HOMER1: variants seen among roughly 807,000 people sequenced by gnomAD.
HOMER1 encodes homer scaffold protein 1.
HOMER1 carries 3 observed loss-of-function variants against 48.9 expected under a neutral mutation model. The ratio of observed to expected loss-of-function variants is 0.06; its 90% CI spans 0.03 to 0.16. The LOEUF (loss-of-function observed/expected upper bound fraction) is 0.16, where lower values mean the gene tolerates loss of function less well. Among genes scored for constraint, HOMER1 ranks in the 10% least tolerant of loss-of-function variants. The pLI, the probability that HOMER1 is intolerant of heterozygous loss-of-function variation, is 1.00. For missense variants in HOMER1, 247 were observed against 411.4 expected (o/e 0.60, Z 3.46); for synonymous variants, 134 against 146.4 (o/e 0.92, Z 0.61).
chr5:79,462,962 C>T lies in HOMER1; in HGVS notation c.6-5944G>A, dbSNP rs139212220. 5.5e-3 allele frequency among the ~76,000 whole-genome samples: 838 copies of T among 152,308 alleles called. 4 individuals are homozygous for T. Among genetic ancestry groups the T allele is most frequent in the Non-Finnish European group, 8.6e-3 (583 of 68,016 alleles). ...TCAGATATGTAAGTACAAATGGCTA[C>T]TGCAGCAAAGGAGATTATAAAGAAG... On this transcript the variant is annotated intron_variant, in intron 1 of 8. Transcript: ENST00000334082.
At chr5:79,430,843 AG>A (rs70975752) in intron 5 of HOMER1, among the ~76,000 whole-genome samples, 38,423 of 151,866 alleles carry the variant, frequency 0.25, 5,936 homozygotes, top group East Asian at 0.75. Context: ...AAGCTGAGGC[AG>A]GAGAATTGCT....
At chr5:79,471,420 C>A (rs1244478607) in intron 1 of HOMER1, among the ~76,000 whole-genome samples, 1 of 151,888 alleles carries the variant, frequency 6.6e-6, no homozygotes, top group East Asian at 1.9e-4. Flanking sequence ...GTGGCATGTA[C>A]CTATAATCCC....
chr5:79,379,227 A>AATATATATTATATATTATATATATCTATT (rs1289978311), intron 8 of HOMER1, among the ~76,000 whole-genome samples: 21 of 103,034 alleles, frequency 2.0e-4, no homozygotes, highest in South Asian at 1.1e-3. Context: ...ATATATCTAT[A>AATATATATTATATATTATATATATCTATT]ATATATATTA....
intron 5 of HOMER1, among the ~76,000 whole-genome samples, chr5:79,429,056 C>G (rs1750349025): frequency 6.6e-6 from 1 of 152,144 alleles, no homozygotes; most frequent in Admixed American, 6.5e-5. Context: ...AACTTAACTA[C>G]AAAGATACAT....
At position 79,411,889 on chromosome 5, in the gene HOMER1, C is replaced by T. The variant is rs1029614876; in HGVS notation, c.528-9834G>A. Among the ~76,000 whole-genome samples, 5 of 152,204 alleles carry T rather than the reference C, an allele frequency of 3.3e-5. No individual in the cohort carries two copies. In the East Asian group the frequency reaches 7.7e-4, roughly 24 times the overall value. On this transcript the variant is annotated intron_variant, in intron 5 of 8. Coordinates refer to ENST00000334082, the MANE Select transcript of HOMER1 (RefSeq NM_004272.5). ...ATCCCAGCACTTTGGGAGGCCAAGG[C>T]GGGTGGATCATTTGAGGCCAGGAGT...
rs559225863 is a variant in HOMER1, at chr5:79,375,425, A to C, written c.*584T>G. The C allele has an allele frequency of 6.6e-6, 1 of 152,254 alleles. No homozygotes were observed. The highest frequency in any genetic ancestry group is 1.9e-4 in the East Asian group (1 of 5,188). The allele number at this position is 152,254 out of a possible 1,614,324, so 9.4% of individuals were successfully genotyped here. Reference sequence around the variant, plus strand: ...AATATCTTCCAGCACAAAAAAGGGAAGAACTCTATACACCCAGTTATAGTA... The same window carrying C: ...AATATCTTCCAGCACAAAAAAGGGACGAACTCTATACACCCAGTTATAGTA... On this transcript the variant is annotated 3_prime_UTR_variant, in exon 9 of 9. Coordinates refer to ENST00000334082, the MANE Select transcript of HOMER1 (RefSeq NM_004272.5).
Position 79,432,880 on chromosome 5 carries a change from A to C in HOMER1, c.527+6130T>G, listed in dbSNP as rs115581299. ...GACATCTCTAAATTGTTAAGTTATG[A>C]TCTCTCACAAATATTCCTTGCCTTC... On this transcript the variant is annotated intron_variant, in intron 5 of 8. Coordinates refer to ENST00000334082, the MANE Select transcript of HOMER1 (RefSeq NM_004272.5). Among the ~76,000 whole-genome samples the C allele has an allele frequency of 9.3e-3, 1,419 of 152,318 alleles. 18 individuals carry two copies. Among genetic ancestry groups the C allele is most frequent in the African/African-American group, 0.031 (1,309 of 41,568 alleles).
chr5:79,512,511 G>A (rs1462134310), intron 1 of HOMER1, among the ~76,000 whole-genome samples: 3 of 152,096 alleles, frequency 2.0e-5, no homozygotes, highest in Non-Finnish European at 4.4e-5. Context: ...AGTGTAGAAT[G>A]CGTTGTCTTT....
intron 1 of HOMER1, among the ~76,000 whole-genome samples, chr5:79,472,655 C>T (rs553282266): frequency 6.6e-6 from 1 of 152,048 alleles, no homozygotes; most frequent in Non-Finnish European, 1.5e-5. Flanking sequence ...TGGTACATGC[C>T]TATGTCCCAG....
At chr5:79,376,306 G>T in intron 8 of HOMER1, 109 bp from the exon 9 acceptor site, 2 of 758,338 alleles carry the variant, frequency 2.6e-6, no homozygotes, top group South Asian at 2.3e-5. Context: ...TTGACTGTCA[G>T]GATGAGCTGC....
intron 4 of HOMER1, among the ~76,000 whole-genome samples, chr5:79,443,659 T>C (rs1296191036): frequency 6.6e-6 from 1 of 152,216 alleles, no homozygotes; most frequent in Non-Finnish European, 1.5e-5. Context: ...TGCTAAGTAC[T>C]TTCTAATCCT....
At chr5:79,437,319 A>G (rs1438359296) in intron 5 of HOMER1, among the ~76,000 whole-genome samples, 1 of 152,222 alleles carries the variant, frequency 6.6e-6, no homozygotes, top group Non-Finnish European at 1.5e-5. Flanking sequence ...AAGTCTGTTT[A>G]TTAAATGGAT....
At position 79,514,115 on chromosome 5, in the gene HOMER1, A is replaced by G. The variant is rs6865475; in HGVS notation, c.-1341T>C. On this transcript the variant is annotated 5_prime_UTR_variant, in exon 1 of 9. Transcript: ENST00000334082. ...TTCCCGGTCAGCGCCGCCGGCGTGAAGCTAGCGCGGCGGCAGAGTGGGCTG... is the reference window on the plus strand; with the variant it reads ...TTCCCGGTCAGCGCCGCCGGCGTGAGGCTAGCGCGGCGGCAGAGTGGGCTG... 38,815 of 151,842 alleles carry G rather than the reference A, an allele frequency of 0.26. 5,591 individuals are homozygous for G. Among genetic ancestry groups the G allele is most frequent in the African/African-American group, 0.39 (16,145 of 41,424 alleles). The allele number at this position is 151,842 out of a possible 1,614,324, so 9.4% of individuals were successfully genotyped here.
intron 2 of HOMER1, among the ~76,000 whole-genome samples, chr5:79,454,434 T>C (rs899898269): frequency 3.3e-5 from 5 of 152,102 alleles, no homozygotes; most frequent in South Asian, 2.1e-4. Flanking sequence ...TTACAGAGAA[T>C]TCAAGGTTCA....
intron 1 of HOMER1, among the ~76,000 whole-genome samples, chr5:79,463,732 A>G (rs889338513): frequency 1.3e-5 from 2 of 152,198 alleles, no homozygotes; most frequent in African/African-American, 4.8e-5. Flanking sequence ...ACCCCACAGT[A>G]TACACAATTT....
intron 1 of HOMER1, among the ~76,000 whole-genome samples, chr5:79,460,725 A>G (rs979402905): frequency 1.3e-5 from 2 of 152,160 alleles, no homozygotes; most frequent in African/African-American, 4.8e-5. Context: ...GGAAACTGCT[A>G]TTGGCATCTA....
intron 5 of HOMER1, among the ~76,000 whole-genome samples, chr5:79,435,196 A>C (rs1479272073): frequency 2.0e-5 from 3 of 150,402 alleles, no homozygotes; most frequent in Non-Finnish European, 2.9e-5. Flanking sequence ...GAAAGACTTA[A>C]AGAACAAACT....
chr5:79,414,918 G>T (rs1297191901), intron 5 of HOMER1, among the ~76,000 whole-genome samples: 1 of 152,166 alleles, frequency 6.6e-6, no homozygotes, highest in African/African-American at 2.4e-5. Flanking sequence ...AGTTTTACAG[G>T]AAGTTCCTAT....
chr5:79,412,906 G>A (rs1749846025), intron 5 of HOMER1, among the ~76,000 whole-genome samples: 1 of 152,184 alleles, frequency 6.6e-6, no homozygotes, highest in Admixed American at 6.5e-5. Context: ...TACAATAGGA[G>A]GGACTGGAAA....
Sources: allele counts gnomAD v4.1 joint callset (sites outside exome capture counted in the v4.1 genomes callset), GRCh38; gene constraint gnomAD v4.1.1; transcripts MANE v1.5; gene names NCBI Gene and HGNC (gene_info 2026-07-23, HGNC 2026-07-21).